The following GFOD2 variants were observed in gnomAD, a reference collection of about 807,000 sequenced individuals.
The protein encoded by GFOD2 is Gfo/Idh/MocA-like oxidoreductase domain containing 2, also known as glucose-fructose oxidoreductase domain-containing protein 2.
GFOD2 carries 9 observed loss-of-function variants against 24.6 expected under a neutral mutation model. The ratio of observed to expected loss-of-function variants is 0.37; its 90% CI spans 0.22 to 0.64. GFOD2 has a LOEUF of 0.64. GFOD2 is among the 30% of genes least tolerant of loss of function. The pLI is 0.65. For synonymous variants in GFOD2, 211 were observed against 224.8 expected, an observed-to-expected ratio of 0.94 and a Z score of 0.55; for missense variants, 476 against 532.5, an observed-to-expected ratio of 0.89 and a Z score of 1.04.
rs1451406320 is a variant in GFOD2 at position 67,675,640 on chromosome 16, A to G, written c.673T>C (p.Phe225Leu). The change falls in exon 3 of 3, where the codon TTC becomes CTC. Residue 225 changes from phenylalanine (F) to leucine (L), a missense_variant. Transcript: ENST00000268797. ...ACACCCCCACCCATGAGCATCTGGA[A>G]GAAACAGAAGTCATCGCTAGTGACG... Reference protein sequence around the residue: ...RHVTSDDFCFFQMLMGGGVCS... With the variant: ...RHVTSDDFCFLQMLMGGGVCS... 6.2e-7 allele frequency: 1 copy of G among 1,613,310 alleles called. No homozygotes were observed. Among genetic ancestry groups the G allele is most frequent in the Non-Finnish European group, 8.5e-7 (1 of 1,180,036 alleles).
Position 67,675,710 on chromosome 16 carries a change from G to C in GFOD2, c.603C>G (p.Leu201=), listed in dbSNP as rs1555544708. The C allele has an allele frequency of 6.2e-7, 1 of 1,614,020 alleles. No individual in the cohort carries two copies. The highest frequency in any genetic ancestry group is 1.1e-5 in the South Asian group (1 of 91,086). The change falls in exon 3 of 3, where the codon CTC becomes CTG. Residue 201 remains leucine, a synonymous_variant. Coordinates refer to ENST00000268797, the MANE Select transcript of GFOD2 (RefSeq NM_030819.4). ...GRRAEKVHGL[L]KTFVRQNAAI... ...CAGCGTTCTGCCTCACGAATGTCTTGAGCAGCCCGTGCACCTTCTCGGCTC... is the reference window on the plus strand; with the variant it reads ...CAGCGTTCTGCCTCACGAATGTCTTCAGCAGCCCGTGCACCTTCTCGGCTC...
intron 1 of GFOD2, among the ~76,000 whole-genome samples, chr16:67,706,045 C>A (rs1234194097): frequency 7.5e-6 from 1 of 132,824 alleles, no homozygotes; most frequent in African/African-American, 2.9e-5. Flanking sequence ...TGCAGTAGTG[C>A]AATCTCAGCT....
In GFOD2 at chr16:67,681,746, A is replaced by G. The variant is rs1411545619; in HGVS notation, c.259+3711T>C. 3.0e-6 allele frequency: 3 copies of G among 985,272 alleles called. No homozygotes were observed. In the Admixed American group the frequency reaches 1.8e-4, roughly 61 times the overall value. The allele number at this position is 985,272 out of a possible 1,614,324, so 61.0% of individuals were successfully genotyped here. A position where few individuals can be genotyped will look rare whatever the true frequency, so the allele number is the denominator to read the frequency against. ...ACTCTTAAACTTAGGGCTCAGTAGT[A>G]TCAGTGTGGGACTGCAAGGACATCT... On this transcript the variant is annotated intron_variant, in intron 2 of 2. Transcript: ENST00000268797.
intron 1 of GFOD2, among the ~76,000 whole-genome samples, chr16:67,690,439 C>G (rs1041745239): frequency 6.6e-6 from 1 of 151,356 alleles, no homozygotes; most frequent in Non-Finnish European, 1.5e-5. Context: ...TTCTGTCACC[C>G]AGGCTGGAGT....
At chr16:67,693,019 G>A (rs1470133368) in intron 1 of GFOD2, among the ~76,000 whole-genome samples, 1 of 151,634 alleles carries the variant, frequency 6.6e-6, no homozygotes. Flanking sequence ...GACAGATTGA[G>A]ACTCTGTCTC....
intron 1 of GFOD2, among the ~76,000 whole-genome samples, chr16:67,702,640 C>T (rs925080479): frequency 1.5e-5 from 2 of 134,382 alleles, no homozygotes; most frequent in Admixed American, 1.7e-4. Flanking sequence ...CGCTCTGTTG[C>T]CCAGTCTGGA....
At position 67,685,457 on chromosome 16, in the gene GFOD2, C is replaced by T; in HGVS notation, c.259G>A (p.Gly87Ser). ...LTRQISVKALGIGKNVVCEKA... is the reference protein window; with the variant it reads ...LTRQISVKALSIGKNVVCEKA... ...CCCTGCTGTGGCCTGCCGGGCGTAC[C>T]TAGAGCCTTCACGGATATCTGCCGG... The change falls in exon 2 of 3, where the codon GGT (glycine) becomes AGT (serine). Residue 87 changes from glycine to serine, a missense_variant and splice_region_variant. Physicochemically the swap from Gly to Ser is moderately conservative, Grantham distance 56. Coordinates refer to ENST00000268797, the MANE Select transcript of GFOD2 (RefSeq NM_030819.4). 1 of 1,614,154 alleles carries T rather than the reference C, an allele frequency of 6.2e-7. No individual in the cohort carries two copies. Among genetic ancestry groups the T allele is most frequent in the Non-Finnish European group, 8.5e-7 (1 of 1,180,018 alleles).
In GFOD2 at chr16:67,675,955, C is replaced by T; in HGVS notation, c.358G>A (p.Val120Ile). ...GGCAGGAAGCGCAGCACGTTCCCTA[C>T]CAGGCTCATGAGCTGCGGGTAGTAG... ...SRYYPQLMSL[V>I]GNVLRFLPAF... The change falls in exon 3 of 3, where the codon GTA becomes ATA. Residue 120 changes from valine to isoleucine, a missense_variant. Transcript: ENST00000268797. 6.2e-7 allele frequency: 1 copy of T among 1,614,224 alleles called. No individual in the cohort carries two copies. Among genetic ancestry groups the T allele is most frequent in the Non-Finnish European group, 8.5e-7 (1 of 1,180,056 alleles).
chr16:67,696,674 C>G (rs1168624125), intron 1 of GFOD2, among the ~76,000 whole-genome samples: 1 of 151,912 alleles, frequency 6.6e-6, no homozygotes, highest in Non-Finnish European at 1.5e-5. Context: ...GGGGTTTCAC[C>G]ATGTTAGCCA....
chr16:67,685,280 G>C (rs1255648654), intron 2 of GFOD2, 177 bp downstream of exon 2: 1 of 1,446,024 alleles, frequency 6.9e-7, no homozygotes, highest in East Asian at 2.5e-5. Flanking sequence ...GGTAGGTTAG[G>C]CTATGTCTTT....
chr16:67,702,801 T>G (rs1338313202), intron 1 of GFOD2, among the ~76,000 whole-genome samples: 1 of 151,844 alleles, frequency 6.6e-6, no homozygotes, highest in South Asian at 2.1e-4. Flanking sequence ...TTTCACCATG[T>G]TGGCCAGGCT....
chr16:67,680,808 C>A (rs537244402), intron 2 of GFOD2: 11 of 974,624 alleles, frequency 1.1e-5, no homozygotes, highest in Non-Finnish European at 1.2e-5. Flanking sequence ...TACATGTGCA[C>A]AACGTGCAGG....
rs1460002160 is a variant in GFOD2, at chr16:67,687,619, C to T, written c.-87-1817G>A. Among the ~76,000 whole-genome samples, 7 of 121,556 alleles carry T rather than the reference C, an allele frequency of 5.8e-5. No individual in the cohort carries two copies. The East Asian group carries it at 6.9e-4, about 12-fold the overall frequency. 79.7% of individuals were successfully genotyped at this position (121,556 alleles called of 152,430 possible). On this transcript the variant is annotated intron_variant, in intron 1 of 2. Coordinates refer to ENST00000268797, the MANE Select transcript of GFOD2 (RefSeq NM_030819.4). ...TCGCGCCAATGCACTCCAGCCTGGG[C>T]GACAGAGCAAGACTCCGTCTCAAAA...
intron 1 of GFOD2, among the ~76,000 whole-genome samples, chr16:67,717,786 G>A (rs562973488): frequency 3.1e-5 from 4 of 128,164 alleles, no homozygotes; most frequent in Non-Finnish European, 6.0e-5. Context: ...GTGAGACTCC[G>A]TCTCGATAGA....
At chr16:67,690,475 G>A (rs1177270138) in intron 1 of GFOD2, among the ~76,000 whole-genome samples, 4 of 150,016 alleles carry the variant, frequency 2.7e-5, no homozygotes, top group African/African-American at 4.9e-5. Context: ...TTGAACTCCC[G>A]ACTTCAAGTG....
At chr16:67,680,498 G>A (rs946539763) in intron 2 of GFOD2, 4 of 152,758 alleles carry the variant, frequency 2.6e-5, no homozygotes, top group African/African-American at 9.7e-5. Flanking sequence ...CTGGCCCCCT[G>A]GTAGCTCACA....
At chr16:67,712,267 C>G (rs897577618) in intron 1 of GFOD2, among the ~76,000 whole-genome samples, 2 of 130,190 alleles carry the variant, frequency 1.5e-5, no homozygotes, top group South Asian at 5.5e-4. Context: ...CTCCCTCTCC[C>G]TCTCCCTCTC....
intron 1 of GFOD2, among the ~76,000 whole-genome samples, chr16:67,688,240 G>A (rs937723529): frequency 2.0e-5 from 3 of 152,160 alleles, no homozygotes; most frequent in Admixed American, 2.0e-4. Flanking sequence ...TAATAGGTAT[G>A]AGTATATATA....
Position 67,675,258 on chromosome 16 carries a change from T to C in GFOD2, c.1055A>G (p.Lys352Arg). 6.2e-7 allele frequency: 1 copy of C among 1,613,204 alleles called. No homozygotes were observed. The highest frequency in any genetic ancestry group is 8.5e-7 in the Non-Finnish European group (1 of 1,180,026). Residue 352 changes from lysine (K) to arginine (R), a missense_variant, in exon 3 of 3, where the codon AAG becomes AGG. Coordinates refer to ENST00000268797, the MANE Select transcript of GFOD2 (RefSeq NM_030819.4). ...LYMQSVVDAI[K>R]RSSRSGEWEA... ...CCACTCCCCGGATCGGCTCGACCTC[T>C]TGATGGCATCCACCACGCTCTGCAT...
Sources: allele counts gnomAD v4.1 joint callset (sites outside exome capture counted in the v4.1 genomes callset), GRCh38; gene constraint gnomAD v4.1.1; transcripts MANE v1.5; gene names NCBI Gene and HGNC (gene_info 2026-07-23, HGNC 2026-07-21).